OXCT1: variants seen among roughly 807,000 people sequenced by gnomAD.
OXCT1 encodes the protein succinyl-CoA:3-ketoacid coenzyme A transferase 1, mitochondrial.
OXCT1 carries 27 observed loss-of-function variants against 69.6 expected under a neutral mutation model. The ratio of observed to expected loss-of-function variants is 0.39; its 90% confidence interval spans 0.29 to 0.54. The LOEUF (loss-of-function observed/expected upper bound fraction) is 0.54, where lower values mean the gene tolerates loss of function less well. OXCT1 is among the 20% of genes least tolerant of loss of function. The probability of loss-of-function intolerance (pLI) is 0.72; values close to 1 mark genes in which losing one functional copy is unlikely to be tolerated. For synonymous variants in OXCT1, 202 were observed against 217.8 expected, an observed-to-expected ratio of 0.93 and a Z score of 0.64; for missense variants, 437 against 650.2, an observed-to-expected ratio of 0.67 and a Z score of 3.57.
intron 7 of OXCT1, among the ~76,000 whole-genome samples, chr5:41,817,612 A>C (rs553670143): frequency 1.7e-4 from 26 of 152,338 alleles, no homozygotes; most frequent in Middle Eastern, 3.4e-3. Context: ...ACCCCTCTGT[A>C]CTTGTGTACT....
At chr5:41,841,189 T>C (rs1014735007) in intron 6 of OXCT1, among the ~76,000 whole-genome samples, 3 of 152,180 alleles carry the variant, frequency 2.0e-5, no homozygotes, top group Admixed American at 2.0e-4. Flanking sequence ...TTAAAACATA[T>C]TTTTTGTCTC....
Position 41,850,126 on chromosome 5 carries a change from G to A in OXCT1, c.468C>T (p.Tyr156=), listed in dbSNP as rs1749110068. ...RAGGAGVPAF[Y]TPTGYGTLVQ... The stretch of plus-strand genomic sequence containing the variant: ...CCAGGGTCCCATACCCTGTTGGGGT[G>A]TAAAATGCAGGAACTCCAGCCCCGC... Residue 156 remains tyrosine, a synonymous_variant, in exon 5 of 17, where the codon TAC becomes TAT. Coordinates refer to ENST00000196371, the MANE Select transcript of OXCT1 (RefSeq NM_000436.4). 1.2e-6 allele frequency: 2 copies of A among 1,613,908 alleles called. No individual in the cohort carries two copies. Among genetic ancestry groups the A allele is most frequent in the Non-Finnish European group, 1.7e-6 (2 of 1,179,874 alleles).
At chr5:41,784,721 G>A (rs890288544) in intron 13 of OXCT1, among the ~76,000 whole-genome samples, 9 of 152,194 alleles carry the variant, frequency 5.9e-5, no homozygotes, top group African/African-American at 2.2e-4. Flanking sequence ...TTAACTCAGT[G>A]TTCTGTGAGG....
chr5:41,859,870 T>TATATATATATTAC (rs1749640347), intron 3 of OXCT1, among the ~76,000 whole-genome samples: 1 of 119,446 alleles, frequency 8.4e-6, no homozygotes, highest in African/African-American at 2.8e-5. Flanking sequence ...TAGTAATATA[T>TATATATATATTAC]ATATATATAT....
Position 41,757,430 on chromosome 5 carries a change from T to C in OXCT1, c.1338+4681A>G, listed in dbSNP as rs118098088. ...ATGCCAGGTTCTGCAGGCTCTGCTT[T>C]GCTCACCTTTCATCTTAAGTACTGA... is the stretch of plus-strand genomic sequence containing the variant. On this transcript the variant is annotated intron_variant, in intron 14 of 16. Transcript: ENST00000196371. Among the ~76,000 whole-genome samples the C allele has an allele frequency of 1.6e-3, 246 of 152,194 alleles. 2 individuals carry two copies. The East Asian group carries it at 0.037, about 23-fold the overall frequency.
intron 11 of OXCT1, 148 bp from the exon 12 acceptor site, chr5:41,794,897 T>A: frequency 2.7e-6 from 2 of 746,050 alleles, no homozygotes; most frequent in Non-Finnish European, 4.4e-6. Flanking sequence ...GGGGACACAG[T>A]AGGAACCTTT....
chr5:41,787,060 CT>C (rs1439938925), intron 13 of OXCT1, among the ~76,000 whole-genome samples: 1 of 152,076 alleles, frequency 6.6e-6, no homozygotes, highest in Non-Finnish European at 1.5e-5. Flanking sequence ...AATAATATAG[CT>C]TTTAAAAAGC....
chr5:41,739,344 C>A (rs1561352758), intron 16 of OXCT1, 46 bp downstream of exon 16: 8 of 1,229,256 alleles, frequency 6.5e-6, no homozygotes, highest in Non-Finnish European at 9.6e-6. Context: ...TTAATCAAGC[C>A]TATAATATAA....
At chr5:41,774,556 C>A (rs143547682) in intron 13 of OXCT1, among the ~76,000 whole-genome samples, 1 of 152,114 alleles carries the variant, frequency 6.6e-6, no homozygotes, top group Non-Finnish European at 1.5e-5. Flanking sequence ...GACCAGCAAA[C>A]CTGAAAGAGC....
intron 5 of OXCT1, among the ~76,000 whole-genome samples, chr5:41,845,877 A>G (rs1579864914): frequency 6.6e-6 from 1 of 152,142 alleles, no homozygotes; most frequent in Non-Finnish European, 1.5e-5. Flanking sequence ...GAAAAAGATC[A>G]AACATAAAAA....
Position 41,767,925 on chromosome 5 carries a change from T to C in OXCT1, c.1249-5725A>G, listed in dbSNP as rs148196621. Among the ~76,000 whole-genome samples, 23 of 151,834 alleles carry C rather than the reference T, an allele frequency of 1.5e-4. No homozygotes were observed. The East Asian group carries it at 4.3e-3, about 28-fold the overall frequency. ...ATCCTTTTTCCCAGAACACTTTATA[T>C]GTTGGCCAAATTAACAGCTCTGTCC... On this transcript the variant is annotated intron_variant, in intron 13 of 16. Transcript: ENST00000196371.
intron 13 of OXCT1, among the ~76,000 whole-genome samples, chr5:41,764,488 A>C (rs936369623): frequency 9.2e-5 from 14 of 152,148 alleles, no homozygotes; most frequent in African/African-American, 3.1e-4. Flanking sequence ...CTCCTGGAAA[A>C]GCTTGTTGCC....
At chr5:41,796,853 T>C (rs371466841) in intron 11 of OXCT1, among the ~76,000 whole-genome samples, 1 of 152,200 alleles carries the variant, frequency 6.6e-6, no homozygotes, top group Admixed American at 6.5e-5. Flanking sequence ...CTTTTATTAT[T>C]GCCATTTTTG....
chr5:41,820,762 A>C (rs1028023835), intron 7 of OXCT1, among the ~76,000 whole-genome samples: 3 of 152,142 alleles, frequency 2.0e-5, no homozygotes, highest in African/African-American at 7.2e-5. Flanking sequence ...AAATGTCCCT[A>C]GACCTGTCAA....
chr5:41,759,147 GGT>G (rs1449003906), intron 14 of OXCT1, among the ~76,000 whole-genome samples: 1 of 150,574 alleles, frequency 6.6e-6, no homozygotes, highest in Non-Finnish European at 1.5e-5. Context: ...GTGGGACGCT[GGT>G]GCAGAGGTAG....
At chr5:41,760,709 C>A (rs114875829) in intron 14 of OXCT1, among the ~76,000 whole-genome samples, 49 of 152,230 alleles carry the variant, frequency 3.2e-4, no homozygotes, top group African/African-American at 1.2e-3. Context: ...GATTTGCATG[C>A]TTGGCATCCT....
intron 11 of OXCT1, among the ~76,000 whole-genome samples, chr5:41,795,293 G>A (rs1746125890): frequency 6.6e-6 from 1 of 152,176 alleles, no homozygotes; most frequent in South Asian, 2.1e-4. Context: ...CTGCTGTGCA[G>A]CCTGGTTCCT....
intron 1 of OXCT1, among the ~76,000 whole-genome samples, chr5:41,869,749 A>G (rs1009741830): frequency 6.6e-6 from 1 of 150,530 alleles, no homozygotes; most frequent in Non-Finnish European, 1.5e-5. Flanking sequence ...GGCATTCCAC[A>G]CCCGCCGCAC....
intron 7 of OXCT1, among the ~76,000 whole-genome samples, chr5:41,816,242 T>C (rs1747237875): frequency 6.6e-6 from 1 of 152,136 alleles, no homozygotes; most frequent in South Asian, 2.1e-4. Flanking sequence ...ATTAAGAAAA[T>C]TAAGATGCCA....
Sources: allele counts gnomAD v4.1 joint callset (sites outside exome capture counted in the v4.1 genomes callset), GRCh38; gene constraint gnomAD v4.1.1; transcripts MANE v1.5; gene names NCBI Gene and HGNC (gene_info 2026-07-23, HGNC 2026-07-21).